Variants in RNLS observed in about 807,000 individuals in gnomAD.
RNLS encodes renalase, FAD dependent amine oxidase, also known as renalase.
A neutral mutation model predicts 39.8 loss-of-function variants in RNLS; 39 were observed. The observed-to-expected ratio is 0.98, with a 90% CI of 0.76 to 1.28. The LOEUF (loss-of-function observed/expected upper bound fraction) is 1.28. RNLS is among the 50% of genes most tolerant of loss of function. The pLI, the probability that RNLS is intolerant of heterozygous loss-of-function variation, is 0.00. For missense variants in RNLS, 410 were observed against 413.3 expected (o/e 0.99, Z 0.07); for synonymous variants, 147 against 150.7 (o/e 0.98, Z 0.18).
chr10:88,299,361 G>A (rs1204234270), intron 6 of RNLS, among the ~76,000 whole-genome samples: 3 of 152,088 alleles, frequency 2.0e-5, no homozygotes, highest in East Asian at 1.9e-4. Flanking sequence ...GGTGGTTCAC[G>A]CCTGTAATCC....
chr10:88,546,355 A>C (rs1395506238), intron 4 of RNLS, among the ~76,000 whole-genome samples: 1 of 152,060 alleles, frequency 6.6e-6, no homozygotes, highest in African/African-American at 2.4e-5. Flanking sequence ...TTATTATAAA[A>C]AGAAAAAATG....
chr10:88,260,830 T>G, the RNLS span, among the ~76,000 whole-genome samples: 3 of 152,266 alleles, frequency 2.0e-5, no homozygotes, highest in Non-Finnish European at 4.4e-5. Flanking sequence ...AAGGTTATGT[T>G]TGCTTAGCAG....
rs535289967 is a variant in RNLS, at chr10:88,354,544, C to T, written c.700+8008G>A. Reference sequence around the variant, plus strand: ...TCCTTTAAGAATGTTGAATATTGGCCCCCCCTCTCTTCTGGCTTGTAATTT... The same window carrying T: ...TCCTTTAAGAATGTTGAATATTGGCTCCCCCTCTCTTCTGGCTTGTAATTT... On this transcript the variant is annotated intron_variant, in intron 5 of 6. Coordinates refer to ENST00000331772, the MANE Select transcript of RNLS (RefSeq NM_001031709.3). Among the ~76,000 whole-genome samples the T allele has an allele frequency of 2.5e-3, 380 of 152,098 alleles. 4 individuals are homozygous for T. The highest frequency in any genetic ancestry group is 7.7e-3 in the African/African-American group (321 of 41,472).
intron 4 of RNLS, among the ~76,000 whole-genome samples, chr10:88,424,394 G>T (rs1854587343): frequency 6.6e-6 from 1 of 152,142 alleles, no homozygotes; most frequent in African/African-American, 2.4e-5. Context: ...GGTAAGAAAA[G>T]GTGTTTGATA....
chr10:88,493,743 G>T (rs576843003), intron 4 of RNLS, among the ~76,000 whole-genome samples: 1 of 151,878 alleles, frequency 6.6e-6, no homozygotes, highest in Non-Finnish European at 1.5e-5. Flanking sequence ...TCACTGTAAG[G>T]TCAACAGCTT....
chr10:88,446,596 G>T (rs144539057), intron 4 of RNLS, among the ~76,000 whole-genome samples: 6 of 151,930 alleles, frequency 3.9e-5, no homozygotes, highest in Non-Finnish European at 7.4e-5. Context: ...AAATAGAGGA[G>T]AATCAAATAG....
chr10:88,188,551 T>G, the RNLS span, among the ~76,000 whole-genome samples: 1 of 152,240 alleles, frequency 6.6e-6, no homozygotes, highest in Non-Finnish European at 1.5e-5. Flanking sequence ...TGGACCAAAT[T>G]CTAAAAGCAG....
At chr10:88,395,532 G>A (rs1852508493) in intron 4 of RNLS, among the ~76,000 whole-genome samples, 1 of 151,990 alleles carries the variant, frequency 6.6e-6, no homozygotes, top group African/African-American at 2.4e-5. Context: ...ACTTGAAGAT[G>A]AGTCAACTGA....
At chr10:88,241,154 A>G in the RNLS span, among the ~76,000 whole-genome samples, 1 of 151,406 alleles carries the variant, frequency 6.6e-6, no homozygotes, top group African/African-American at 2.4e-5. Context: ...CGGGTTTGAC[A>G]TCAGGGTTAT....
chr10:88,447,726 C>A (rs1842126361), intron 4 of RNLS, among the ~76,000 whole-genome samples: 1 of 152,152 alleles, frequency 6.6e-6, no homozygotes, highest in African/African-American at 2.4e-5. Flanking sequence ...AAGAACAAAG[C>A]TGGAGGCATC....
the RNLS span, among the ~76,000 whole-genome samples, chr10:88,262,390 A>G: frequency 6.6e-6 from 1 of 152,190 alleles, no homozygotes; most frequent in African/African-American, 2.4e-5. Context: ...AAAGGTTTAA[A>G]TAAGTGAAAT....
chr10:88,265,323 C>CTTTTTTTTTTTTTTTTTT, the RNLS span, among the ~76,000 whole-genome samples: 7 of 59,066 alleles, frequency 1.2e-4, no homozygotes, highest in African/African-American at 2.7e-4. Flanking sequence ...CAGGGTTTTT[C>CTTTTTTTTTTTTTTTTTT]TTTTTTTTTT....
the RNLS span, among the ~76,000 whole-genome samples, chr10:88,229,699 A>T: frequency 9.9e-5 from 15 of 152,180 alleles, no homozygotes; most frequent in Admixed American, 9.8e-4. Flanking sequence ...TCTGGCAACC[A>T]TTAATACACT....
At chr10:88,382,646 G>A (rs1009287933) in intron 4 of RNLS, among the ~76,000 whole-genome samples, 2 of 152,094 alleles carry the variant, frequency 1.3e-5, no homozygotes, top group Admixed American at 6.5e-5. Context: ...ACAGTTGCTT[G>A]AATAGTTGAG....
At chr10:88,353,117 G>T (rs1361893476) in intron 5 of RNLS, among the ~76,000 whole-genome samples, 2 of 152,190 alleles carry the variant, frequency 1.3e-5, no homozygotes, top group South Asian at 2.1e-4. Flanking sequence ...CTTGGTAGCG[G>T]TCTATCAATT....
At chr10:88,268,638 G>C in the RNLS span, among the ~76,000 whole-genome samples, 1 of 152,186 alleles carries the variant, frequency 6.6e-6, no homozygotes, top group African/African-American at 2.4e-5. Context: ...GATGCCATCA[G>C]GTCTCAGTTT....
chr10:88,300,268 A>G (rs1193313021), intron 6 of RNLS, among the ~76,000 whole-genome samples: 2 of 152,202 alleles, frequency 1.3e-5, no homozygotes, highest in East Asian at 3.8e-4. Flanking sequence ...TACAGTGAGT[A>G]AGGAATTAAT....
intron 6 of RNLS, among the ~76,000 whole-genome samples, chr10:88,292,345 G>GA (rs1194165679): frequency 1.3e-5 from 2 of 151,632 alleles, no homozygotes; most frequent in African/African-American, 4.9e-5. Flanking sequence ...TAACATGGTA[G>GA]AAAACCAGCA....
the RNLS span, among the ~76,000 whole-genome samples, chr10:88,217,033 G>T: frequency 1.3e-5 from 2 of 152,164 alleles, no homozygotes; most frequent in African/African-American, 4.8e-5. Flanking sequence ...GCTCAATTAG[G>T]GGGTGAGGGG....
Sources: allele counts gnomAD v4.1 joint callset (sites outside exome capture counted in the v4.1 genomes callset), GRCh38; gene constraint gnomAD v4.1.1; transcripts MANE v1.5; gene names NCBI Gene and HGNC (gene_info 2026-07-23, HGNC 2026-07-21).